Variants in CEP72 observed in about 807,000 individuals in gnomAD.
CEP72 encodes the protein centrosomal protein 72.
In CEP72, 78 loss-of-function variants were observed where a neutral mutation model predicts 65.7. That is an observed-to-expected ratio of 1.19 (90% CI 0.99 to 1.43). CEP72 has a LOEUF of 1.43. Among genes scored for constraint, CEP72 ranks in the 40% most tolerant of loss-of-function variants. The pLI is 0.00. For synonymous variants in CEP72, 358 were observed against 351.7 expected (o/e 1.02, Z -0.20); for missense variants, 914 against 832.9 (o/e 1.10, Z -1.20).
the CEP72 span, among the ~76,000 whole-genome samples, chr5:674,798 T>C: frequency 1.8e-4 from 28 of 151,734 alleles, no homozygotes; most frequent in African/African-American, 5.8e-4. Flanking sequence ...GACAGTGGGC[T>C]GGTCTGTCCT....
chr5:669,137 C>G, downstream of CEP72, among the ~76,000 whole-genome samples: 1 of 152,324 alleles, frequency 6.6e-6, no homozygotes. Context: ...GCGGAGGCCT[C>G]GCTGTGTCCG....
At chr5:637,872 G>A (rs1474661706) in intron 7 of CEP72, 54 bp downstream of exon 7, 4 of 1,438,312 alleles carry the variant, frequency 2.8e-6, no homozygotes, top group East Asian at 2.5e-5. Context: ...CCTAATGTGG[G>A]GCTGTTACGG....
chr5:615,356 G>A (rs538574842), intron 1 of CEP72, among the ~76,000 whole-genome samples: 2 of 152,110 alleles, frequency 1.3e-5, no homozygotes, highest in Admixed American at 1.3e-4. Context: ...GGCTAGTCTC[G>A]AACTCCTGAC....
chr5:668,392 G>A (rs576252390), downstream of CEP72, among the ~76,000 whole-genome samples: 29 of 107,736 alleles, frequency 2.7e-4, no homozygotes, highest in East Asian at 5.4e-3. Flanking sequence ...GCCTCGTCAG[G>A]GAAGTACCGA....
Position 653,231 on chromosome 5 carries a change from A to G in CEP72, c.*78A>G. Reference sequence around the variant, plus strand: ...TCTGCACCTTTGTACTTCTTTATTGAGTGTACTGGCTGGCAAGAGTTCTCT... The same window carrying G: ...TCTGCACCTTTGTACTTCTTTATTGGGTGTACTGGCTGGCAAGAGTTCTCT... On this transcript the variant is annotated 3_prime_UTR_variant, in exon 12 of 12. Coordinates refer to ENST00000264935, the MANE Select transcript of CEP72 (RefSeq NM_018140.4). 1 of 1,339,446 alleles carries G rather than the reference A, an allele frequency of 7.5e-7. No individual in the cohort carries two copies. Among genetic ancestry groups the G allele is most frequent in the Non-Finnish European group, 9.9e-7 (1 of 1,009,530 alleles). 83.0% of individuals were successfully genotyped at this position (1,339,446 alleles called of 1,614,324 possible).
chr5:667,765 C>T (rs375029970), downstream of CEP72, among the ~76,000 whole-genome samples: 7 of 148,096 alleles, frequency 4.7e-5, no homozygotes, highest in East Asian at 1.2e-3. Flanking sequence ...AGAGAAGACA[C>T]GTGCATGCAG....
chr5:632,228 A>G (rs1490783088), intron 4 of CEP72, among the ~76,000 whole-genome samples: 24 of 35,642 alleles, frequency 6.7e-4, no homozygotes, highest in South Asian at 1.3e-3. Context: ...TCGGGATTTG[A>G]CCCAGTCCTG....
intron 11 of CEP72, among the ~76,000 whole-genome samples, chr5:648,614 GCGTGGAC>G (rs1738613199): frequency 1.4e-5 from 2 of 143,960 alleles, no homozygotes; most frequent in African/African-American, 2.6e-5. Context: ...GGACTGTGAG[GCGTGGAC>G]TGTGAGGCGT....
At chr5:652,147 C>T (rs1433402321) in intron 11 of CEP72, among the ~76,000 whole-genome samples, 2 of 152,208 alleles carry the variant, frequency 1.3e-5, no homozygotes, top group Non-Finnish European at 2.9e-5. Flanking sequence ...GTGGGCCTGT[C>T]TGTGGCAGGT....
rs1253239754 is a variant in CEP72 at position 624,736 on chromosome 5, A to G, written c.512+157A>G. Among the ~76,000 whole-genome samples the G allele has an allele frequency of 6.6e-6, 1 of 152,224 alleles. No homozygotes were observed. The highest frequency in any genetic ancestry group is 1.5e-5 in the Non-Finnish European group (1 of 68,036). On this transcript the variant is annotated intron_variant, in intron 4 of 11. Transcript: ENST00000264935. The surrounding 1 kb of genome is among the most constrained non-coding windows in gnomAD (Gnocchi z 4.7). ...CCTGCCTGGCGGGGACTCCGTGGAC[A>G]GTGGGACGGGGCCTCTCTCCTGTTC...
intron 3 of CEP72, among the ~76,000 whole-genome samples, chr5:621,210 C>T (rs866552111): frequency 5.3e-5 from 8 of 152,302 alleles, no homozygotes; most frequent in South Asian, 2.1e-4. Flanking sequence ...TACCATGCAC[C>T]GCTGTTCGAA....
chr5:641,580 C>CT, intron 9 of CEP72: 1 of 984,224 alleles, frequency 1.0e-6, no homozygotes, highest in Non-Finnish European at 1.2e-6. Flanking sequence ...GTGGCCCCCC[C>CT]ACCCCGCCTG....
intron 9 of CEP72, among the ~76,000 whole-genome samples, chr5:643,887 C>A (rs1409667295): frequency 6.6e-6 from 1 of 152,236 alleles, no homozygotes; most frequent in African/African-American, 2.4e-5. Context: ...TCCTGCAGGG[C>A]CACCGGTGCC....
In CEP72 at chr5:624,609, A is replaced by C; in HGVS notation, c.512+30A>C. The stretch of plus-strand genomic sequence containing the variant: ...GAACGGAAGTGCTACGGACACCCAG[A>C]GTGTTTCTGACTGGCCTGCTGTCAG... On this transcript the variant is annotated intron_variant, in intron 4 of 11. Transcript: ENST00000264935. The surrounding 1 kb of genome is among the most constrained non-coding windows in gnomAD (Gnocchi z 4.7). 1 of 1,471,592 alleles carries C rather than the reference A, an allele frequency of 6.8e-7. No homozygotes were observed. Among genetic ancestry groups the C allele is most frequent in the East Asian group, 2.3e-5 (1 of 44,174 alleles). 91.2% of individuals were successfully genotyped at this position (1,471,592 alleles called of 1,614,324 possible).
intron 5 of CEP72, among the ~76,000 whole-genome samples, chr5:634,920 G>T (rs1336557816): frequency 4.6e-5 from 7 of 152,160 alleles, no homozygotes; most frequent in Non-Finnish European, 7.3e-5. Context: ...TTTTGAGATG[G>T]AGTTTTGCTC....
intron 4 of CEP72, among the ~76,000 whole-genome samples, chr5:629,609 G>A (rs1737081177): frequency 1.9e-5 from 2 of 105,082 alleles, no homozygotes; most frequent in Admixed American, 9.7e-5. Flanking sequence ...GTCCAGTGCC[G>A]GGATTTGGCC....
At chr5:658,558 T>C (rs1446426784), downstream of CEP72, among the ~76,000 whole-genome samples, 3 of 152,080 alleles carry the variant, frequency 2.0e-5, no homozygotes, top group African/African-American at 7.2e-5. Context: ...TTAGCCATGC[T>C]GAAATTACAA....
downstream of CEP72, among the ~76,000 whole-genome samples, chr5:654,218 G>A (rs1241702432): frequency 8.1e-5 from 12 of 148,254 alleles, no homozygotes; most frequent in East Asian, 8.1e-4. Context: ...CTGTGTGTGC[G>A]CTTGCTGTGT....
At chr5:641,400 T>A in intron 9 of CEP72, 1 of 985,422 alleles carries the variant, frequency 1.0e-6, no homozygotes, top group African/African-American at 1.7e-5. Flanking sequence ...ATCTTTAAAT[T>A]GCGAGTGAAG....
Sources: gnomAD v4.1 joint callset for allele counts (sites outside exome capture counted in the v4.1 genomes callset) on GRCh38, gnomAD v4.1.1 for gene constraint, Gnocchi (gnomAD v3.1) non-coding constraint, MANE v1.5 for transcripts, NCBI Gene and HGNC (gene_info 2026-07-23, HGNC 2026-07-21) for gene names.